SPON1: variants seen among roughly 807,000 people sequenced by gnomAD.
SPON1 encodes spondin-1.
A neutral mutation model predicts 111.7 loss-of-function variants in SPON1; 52 were observed. The ratio of observed to expected loss-of-function variants is 0.47; its 90% CI spans 0.37 to 0.59. SPON1 has a LOEUF of 0.59. SPON1 is among the 20% of genes least tolerant of loss of function. The probability of loss-of-function intolerance (pLI) is 0.00; values close to 1 mark genes in which losing one functional copy is unlikely to be tolerated. For synonymous variants in SPON1, 410 were observed against 395.8 expected (o/e 1.04, Z -0.43); for missense variants, 957 against 1,068.5 (o/e 0.90, Z 1.46).
At chr11:14,031,981 G>A (rs1386773950) in intron 2 of SPON1, among the ~76,000 whole-genome samples, 1 of 152,156 alleles carries the variant, frequency 6.6e-6, no homozygotes, top group East Asian at 1.9e-4. Flanking sequence ...AACTTAAGAT[G>A]TCAAATTTAG....
intron 6 of SPON1, among the ~76,000 whole-genome samples, chr11:14,167,888 C>T (rs1227471176): frequency 1.3e-5 from 2 of 152,148 alleles, no homozygotes; most frequent in Non-Finnish European, 2.9e-5. Context: ...TAACCAAACC[C>T]TTTTCACTTT....
At chr11:14,176,741 C>T (rs1317334819) in intron 6 of SPON1, among the ~76,000 whole-genome samples, 1 of 152,162 alleles carries the variant, frequency 6.6e-6, no homozygotes, top group African/African-American at 2.4e-5. Context: ...GTACCAGAGT[C>T]AGTCCCCAGC....
rs112714830 is a variant in SPON1, at chr11:14,205,682, A to G, written c.826-37650A>G. Among the ~76,000 whole-genome samples, 849 of 152,274 alleles carry G rather than the reference A, an allele frequency of 5.6e-3. 7 individuals are homozygous for G. The highest frequency in any genetic ancestry group is 0.019 in the African/African-American group (801 of 41,546). Reference sequence around the variant, plus strand: ...AAATTGGCATGGTTTGACCCTGCCAATCTGATTGGGTCATTTCTTCACTTA... The same window carrying G: ...AAATTGGCATGGTTTGACCCTGCCAGTCTGATTGGGTCATTTCTTCACTTA... On this transcript the variant is annotated intron_variant, in intron 6 of 15. Coordinates refer to ENST00000576479, the MANE Select transcript of SPON1 (RefSeq NM_006108.4).
chr11:14,255,872 A>G (rs976856538), intron 9 of SPON1, 85 bp downstream of exon 9: 62 of 1,424,918 alleles, frequency 4.4e-5, no homozygotes, highest in Non-Finnish European at 5.4e-5. Context: ...CTAGAATCAT[A>G]GAGTCACTGG....
chr11:14,169,310 G>A (rs1481533705), intron 6 of SPON1, among the ~76,000 whole-genome samples: 2 of 151,928 alleles, frequency 1.3e-5, no homozygotes, highest in Non-Finnish European at 2.9e-5. Context: ...CTTTTGAGAA[G>A]TGTCTGTTCA....
At chr11:14,140,133 C>T (rs1847636898) in intron 6 of SPON1, among the ~76,000 whole-genome samples, 1 of 152,168 alleles carries the variant, frequency 6.6e-6, no homozygotes, top group African/African-American at 2.4e-5. Flanking sequence ...GAAATGTGGA[C>T]ACACATTTGG....
chr11:14,109,527 T>G (rs1352403315), intron 5 of SPON1, among the ~76,000 whole-genome samples: 1 of 152,214 alleles, frequency 6.6e-6, no homozygotes, highest in Non-Finnish European at 1.5e-5. Context: ...AAAGAGAATT[T>G]GCATTGTTTT....
chr11:13,997,884 T>A (rs1275571714), intron 2 of SPON1, among the ~76,000 whole-genome samples: 3 of 152,172 alleles, frequency 2.0e-5, no homozygotes, highest in Non-Finnish European at 4.4e-5. Context: ...ATTTAAATTA[T>A]ACCTTGGCAA....
At chr11:14,056,444 CT>C (rs1848745079) in intron 3 of SPON1, among the ~76,000 whole-genome samples, 1 of 151,908 alleles carries the variant, frequency 6.6e-6, no homozygotes, top group African/African-American at 2.4e-5. Context: ...GTTTTTCAAG[CT>C]TCAAAAACTG....
At chr11:14,154,492 G>A (rs1847820425) in intron 6 of SPON1, among the ~76,000 whole-genome samples, 1 of 152,180 alleles carries the variant, frequency 6.6e-6, no homozygotes, top group South Asian at 2.1e-4. Flanking sequence ...TAGGATGCAG[G>A]GCATCATGTC....
intron 6 of SPON1, among the ~76,000 whole-genome samples, chr11:14,164,051 T>C (rs1404983383): frequency 6.6e-6 from 1 of 152,174 alleles, no homozygotes; most frequent in Non-Finnish European, 1.5e-5. Context: ...TCATGACTTC[T>C]GGAAAAACTG....
At chr11:14,146,062 G>T (rs782436425) in intron 6 of SPON1, among the ~76,000 whole-genome samples, 31 of 152,036 alleles carry the variant, frequency 2.0e-4, no homozygotes, top group Admixed American at 3.3e-4. Context: ...CACACAGAGA[G>T]TAAGGGGCAG....
chr11:14,086,509 G>T (rs1271225049), intron 5 of SPON1, among the ~76,000 whole-genome samples: 2 of 152,166 alleles, frequency 1.3e-5, no homozygotes, highest in Non-Finnish European at 2.9e-5. Flanking sequence ...CTTGATCATG[G>T]TGGATAAGCT....
chr11:14,196,503 A>G (rs1424882305), intron 6 of SPON1, among the ~76,000 whole-genome samples: 2 of 151,802 alleles, frequency 1.3e-5, no homozygotes, highest in Admixed American at 6.6e-5. Context: ...TGCTATTTTA[A>G]AAAAAAATGT....
intron 6 of SPON1, among the ~76,000 whole-genome samples, chr11:14,151,105 C>A (rs1554929887): frequency 6.6e-6 from 1 of 152,196 alleles, no homozygotes; most frequent in Non-Finnish European, 1.5e-5. Flanking sequence ...ATCTGTTTTC[C>A]AAAGAGCCAT....
At chr11:14,262,628 G>A in intron 14 of SPON1, 84 bp from the exon 15 acceptor site, 3 of 1,551,032 alleles carry the variant, frequency 1.9e-6, no homozygotes, top group African/African-American at 1.4e-5. Flanking sequence ...ATCCCTCATA[G>A]GCTTGTTGAG....
chr11:14,186,715 A>G (rs1848289728), intron 6 of SPON1, among the ~76,000 whole-genome samples: 1 of 152,084 alleles, frequency 6.6e-6, no homozygotes, highest in African/African-American at 2.4e-5. Flanking sequence ...ATCCTTGTGC[A>G]GGGCCCTGTG....
chr11:13,963,568 C>T (rs1267701013), intron 1 of SPON1, among the ~76,000 whole-genome samples: 3 of 152,280 alleles, frequency 2.0e-5, no homozygotes, highest in East Asian at 3.9e-4. Context: ...CAGCTTTCCC[C>T]GCTCAGTCCC....
intron 2 of SPON1, among the ~76,000 whole-genome samples, chr11:14,003,315 A>G (rs563575437): frequency 1.4e-4 from 22 of 152,316 alleles, no homozygotes; most frequent in Non-Finnish European, 1.5e-4. Context: ...TTATTAGGGG[A>G]ACTTACTTAC....
Sources: allele counts gnomAD v4.1 joint callset (sites outside exome capture counted in the v4.1 genomes callset), GRCh38; gene constraint gnomAD v4.1.1; transcripts MANE v1.5; gene names NCBI Gene and HGNC (gene_info 2026-07-23, HGNC 2026-07-21).